The following EYS variants were observed in gnomAD, a reference collection of about 807,000 sequenced individuals.
EYS encodes protein eyes shut homolog.
EYS carries 250 observed loss-of-function variants against 282.1 expected under a neutral mutation model. The observed-to-expected ratio is 0.89, with a 90% CI of 0.80 to 0.98. The LOEUF (loss-of-function observed/expected upper bound fraction) is 0.98. EYS is among the 50% of genes least tolerant of loss of function. The pLI, the probability that EYS is intolerant of heterozygous loss-of-function variation, is 0.00. For synonymous variants in EYS, 1,355 were observed against 1,282.9 expected, an observed-to-expected ratio of 1.06 and a Z score of -1.20; for missense variants, 4,016 against 3,709.0, an observed-to-expected ratio of 1.08 and a Z score of -2.15.
Position 65,384,309 on chromosome 6 carries a change from G to A in EYS, c.1299+77C>T, listed in dbSNP as rs1420349511. The stretch of plus-strand genomic sequence containing the variant: ...GTTTCTCTGGCTAAGATTAATAAGA[G>A]CATTTGAAATATAGACTAACTGAGT... On this transcript the variant is annotated intron_variant, in intron 8 of 42. Coordinates refer to ENST00000503581, the MANE Select transcript of EYS (RefSeq NM_001142800.2). The A allele has an allele frequency of 6.3e-6, 5 of 788,126 alleles. No individual in the cohort carries two copies. The African/African-American group carries it at 6.8e-5, about 11-fold the overall frequency. 48.8% of individuals were successfully genotyped at this position (788,126 alleles called of 1,614,324 possible). A position where few individuals can be genotyped will look rare whatever the true frequency, so the allele number is the denominator to read the frequency against.
At chr6:65,375,214 A>G (rs1383861369) in intron 8 of EYS, among the ~76,000 whole-genome samples, 1 of 152,202 alleles carries the variant, frequency 6.6e-6, no homozygotes, top group Non-Finnish European at 1.5e-5. Flanking sequence ...TCTGTTCTTC[A>G]GCCTCTGCTG....
chr6:65,056,491 C>G (rs952785780), intron 13 of EYS, among the ~76,000 whole-genome samples: 1 of 151,882 alleles, frequency 6.6e-6, no homozygotes, highest in Non-Finnish European at 1.5e-5. Flanking sequence ...ACTCAGGGGA[C>G]TAAGGGGAGG....
intron 28 of EYS, among the ~76,000 whole-genome samples, chr6:64,420,186 G>A (rs1249346943): frequency 6.6e-6 from 1 of 151,954 alleles, no homozygotes; most frequent in Non-Finnish European, 1.5e-5. Flanking sequence ...AAGACCTGGG[G>A]CTTACACCCT....
At chr6:65,694,391 A>T (rs1185854888) in intron 1 of EYS, among the ~76,000 whole-genome samples, 2 of 145,370 alleles carry the variant, frequency 1.4e-5, no homozygotes, top group Non-Finnish European at 3.0e-5. Flanking sequence ...GATTCTTCAT[A>T]TTTTTTTTTT....
At chr6:64,034,625 G>C (rs1770021686) in intron 33 of EYS, among the ~76,000 whole-genome samples, 1 of 152,166 alleles carries the variant, frequency 6.6e-6, no homozygotes, top group Non-Finnish European at 1.5e-5. Flanking sequence ...GTAGGACACA[G>C]ATGCCAAGGG....
At chr6:65,531,096 C>T (rs990730942) in intron 2 of EYS, among the ~76,000 whole-genome samples, 3 of 152,078 alleles carry the variant, frequency 2.0e-5, no homozygotes, top group Non-Finnish European at 2.9e-5. Flanking sequence ...TGTGGATGAC[C>T]TTACTGAAAT....
intron 29 of EYS, among the ~76,000 whole-genome samples, chr6:64,383,231 G>T (rs545848851): frequency 6.6e-6 from 1 of 152,326 alleles, no homozygotes; most frequent in South Asian, 2.1e-4. Flanking sequence ...AGCTCAGGAG[G>T]TCGAGGCTGC....
chr6:63,798,926 T>A (rs914929345), intron 37 of EYS, among the ~76,000 whole-genome samples: 61 of 146,400 alleles, frequency 4.2e-4, no homozygotes, highest in African/African-American at 1.5e-3. Context: ...GGAAGTCAAA[T>A]ATATTTCTTC....
intron 12 of EYS, among the ~76,000 whole-genome samples, chr6:65,221,917 C>T (rs1002383494): frequency 1.2e-4 from 19 of 152,120 alleles, no homozygotes; most frequent in Admixed American, 3.9e-4. Context: ...GAGATCATTA[C>T]GAAGCTTTAA....
intron 14 of EYS, among the ~76,000 whole-genome samples, chr6:64,992,181 T>C (rs184070842): frequency 5.9e-5 from 9 of 152,004 alleles, no homozygotes; most frequent in Admixed American, 5.3e-4. Context: ...AGGTATTTGC[T>C]TATGCATATT....
intron 34 of EYS, among the ~76,000 whole-genome samples, chr6:63,988,890 T>C (rs1249662817): frequency 2.0e-5 from 3 of 151,612 alleles, no homozygotes; most frequent in Non-Finnish European, 4.4e-5. Context: ...TACGTATGAA[T>C]AAAATAAGAA....
rs116683967 is a variant in EYS at position 65,415,311 on chromosome 6, C to A, written c.863-9944G>T. 2.4e-3 allele frequency among the ~76,000 whole-genome samples: 370 copies of A among 151,998 alleles called. 2 individuals carry two copies. Among genetic ancestry groups the A allele is most frequent in the Non-Finnish European group, 3.9e-3 (263 of 67,902 alleles). ...ATCTCATTAGAAATGCACTCCAGAC[C>A]AACTGAAGGCAAATCCAATTTAACC... On this transcript the variant is annotated intron_variant, in intron 5 of 42. Transcript: ENST00000503581.
chr6:65,618,482 AT>A (rs1241374992), intron 2 of EYS, among the ~76,000 whole-genome samples: 5 of 152,054 alleles, frequency 3.3e-5, no homozygotes, highest in African/African-American at 1.2e-4. Flanking sequence ...GGTTGCAAAA[AT>A]TTTTTCCTAT....
rs868069558 is a variant in EYS at position 64,591,461 on chromosome 6, A to G, written c.4406T>C (p.Ile1469Thr). ...PVVSRGAQED[I>T]EEYSADSLIS... ...TAAAGAATCAGCTGAATATTCTTCA[A>G]TATCCTCTTGAGCCCCCCTAGAGAC... Residue 1469 changes from isoleucine (I) to threonine (T), a missense_variant, in exon 26 of 43, where the codon ATT (isoleucine) becomes ACT (threonine). Ile to Thr is a moderately conservative substitution (Grantham distance 89). Transcript: ENST00000503581. 9.0e-6 allele frequency: 14 copies of G among 1,551,252 alleles called. No individual in the cohort carries two copies. In the African/African-American group the frequency reaches 1.1e-4, roughly 12 times the overall value.
chr6:64,486,505 G>C lies in EYS; in HGVS notation c.5645-47153C>G, dbSNP rs1776582588. On this transcript the variant is annotated intron_variant, in intron 26 of 42. Transcript: ENST00000503581. ...GTATATAACTCATTGTCAAATTATT[G>C]ATTTAACATATTTACTGCTAAGTAG... Among the ~76,000 whole-genome samples, 2 of 151,328 alleles carry C rather than the reference G, an allele frequency of 1.3e-5. 1 individual carries two copies. Among genetic ancestry groups the C allele is most frequent in the South Asian group, 4.1e-4 (2 of 4,826 alleles).
intron 29 of EYS, among the ~76,000 whole-genome samples, chr6:64,387,792 C>T (rs1478992133): frequency 6.6e-6 from 1 of 152,034 alleles, no homozygotes; most frequent in Non-Finnish European, 1.5e-5. Flanking sequence ...CTTACAGATA[C>T]AGAATTATCT....
intron 12 of EYS, among the ~76,000 whole-genome samples, chr6:65,199,043 G>C (rs1765837014): frequency 6.6e-6 from 1 of 152,032 alleles, no homozygotes; most frequent in Non-Finnish European, 1.5e-5. Flanking sequence ...TGGCAAATTA[G>C]AGATACAAAT....
intron 33 of EYS, among the ~76,000 whole-genome samples, chr6:64,038,802 TTC>T (rs1312256257): frequency 2.0e-5 from 3 of 151,880 alleles, no homozygotes; most frequent in Non-Finnish European, 2.9e-5. Context: ...TTCTTTTTCT[TTC>T]TTTCTTTTTT....
At chr6:65,006,255 T>C (rs1229058309) in intron 13 of EYS, among the ~76,000 whole-genome samples, 1 of 149,006 alleles carries the variant, frequency 6.7e-6, no homozygotes, top group East Asian at 2.0e-4. Context: ...AAGATATTAA[T>C]AGTTAAAAAA....
Sources: gnomAD v4.1 joint callset for allele counts (sites outside exome capture counted in the v4.1 genomes callset) on GRCh38, gnomAD v4.1.1 for gene constraint, MANE v1.5 for transcripts, NCBI Gene and HGNC (gene_info 2026-07-23, HGNC 2026-07-21) for gene names.